The following ELFN2 variants were observed in gnomAD, a reference collection of about 807,000 sequenced individuals.
ELFN2 encodes extracellular leucine rich repeat and fibronectin type III domain containing 2.
ELFN2 carries 17 observed loss-of-function variants against 45.5 expected under a neutral mutation model. The observed-to-expected ratio is 0.37, with a 90% confidence interval of 0.26 to 0.56. The LOEUF (loss-of-function observed/expected upper bound fraction) is 0.56, where lower values mean the gene tolerates loss of function less well. Among genes scored for constraint, ELFN2 ranks in the 20% least tolerant of loss-of-function variants. The probability of loss-of-function intolerance (pLI) is 0.77; values close to 1 mark genes in which losing one functional copy is unlikely to be tolerated. For synonymous variants in ELFN2, 550 were observed against 551.5 expected, an observed-to-expected ratio of 1.00 and a Z score of 0.04; for missense variants, 922 against 1,183.2, an observed-to-expected ratio of 0.78 and a Z score of 3.24.
chr22:37,423,897 A>G (rs1569146095), intron 1 of ELFN2, among the ~76,000 whole-genome samples: 1 of 152,128 alleles, frequency 6.6e-6, no homozygotes, highest in African/African-American at 2.4e-5. Context: ...AATAATGTCA[A>G]TGCCTCTGCC....
chr22:37,405,777 G>A (rs901422756), intron 2 of ELFN2, among the ~76,000 whole-genome samples: 1 of 150,388 alleles, frequency 6.6e-6, no homozygotes, highest in Non-Finnish European at 1.5e-5. Context: ...GTGTGACCTT[G>A]GACAAGTCAT....
At chr22:37,397,710 C>T (rs143714204) in intron 2 of ELFN2, among the ~76,000 whole-genome samples, 43 of 152,294 alleles carry the variant, frequency 2.8e-4, no homozygotes, top group African/African-American at 1.0e-3. Context: ...AGCAAGCAGC[C>T]GACCTGAACC....
At chr22:37,390,260 C>T (rs763865302) in intron 2 of ELFN2, among the ~76,000 whole-genome samples, 3 of 152,202 alleles carry the variant, frequency 2.0e-5, no homozygotes, top group East Asian at 3.9e-4. Context: ...ACAGGAGAGT[C>T]GGGTGCGAAT....
chr22:37,423,312 G>A (rs949369138), intron 1 of ELFN2, among the ~76,000 whole-genome samples: 6 of 152,218 alleles, frequency 3.9e-5, no homozygotes, highest in East Asian at 1.9e-4. Flanking sequence ...AAGGGCGTCC[G>A]CCACCCCCAG....
In ELFN2 at chr22:37,374,757, G is replaced by T; in HGVS notation, c.778C>A (p.Pro260Thr). ...TCCCTCTGGGCGTCGGTGGAGTAGG[G>T]CGTGGGGTGGCTCACGGGCCGGGCG... ...LPARPVSHPT[P>T]YSTDAQREPD... Residue 260 changes from proline (P) to threonine (T), a missense_variant, in exon 3 of 3, where the codon CCC (proline) becomes ACC (threonine). Pro to Thr is a conservative substitution (Grantham distance 38). Coordinates refer to ENST00000402918, the MANE Select transcript of ELFN2 (RefSeq NM_052906.5). 6.2e-7 allele frequency: 1 copy of T among 1,610,324 alleles called. No homozygotes were observed. Among genetic ancestry groups the T allele is most frequent in the South Asian group, 1.1e-5 (1 of 91,036 alleles).
rs1931416237 is a variant in ELFN2, at chr22:37,372,925, T to C, written c.*147A>G. 3.8e-6 allele frequency: 3 copies of C among 785,638 alleles called. No individual in the cohort carries two copies. The highest frequency in any genetic ancestry group is 5.4e-5 in the East Asian group (2 of 36,832). The allele number at this position is 785,638 out of a possible 1,614,324, so 48.7% of individuals were successfully genotyped here. A position where few individuals can be genotyped will look rare whatever the true frequency, so the allele number is the denominator to read the frequency against. On this transcript the variant is annotated 3_prime_UTR_variant, in exon 3 of 3. Coordinates refer to ENST00000402918, the MANE Select transcript of ELFN2 (RefSeq NM_052906.5). This position sits in a 1 kb window ranked among gnomAD's most constrained non-coding sequence, Gnocchi z 4.4. Reference sequence around the variant, plus strand: ...CACAGTCGGGTGGTGGTCAGGTGTGTGTGTGCGTGCGTGCGTGCGGGTCTG... The same window carrying C: ...CACAGTCGGGTGGTGGTCAGGTGTGCGTGTGCGTGCGTGCGTGCGGGTCTG...
chr22:37,405,088 GCA>G (rs59108996), intron 2 of ELFN2, among the ~76,000 whole-genome samples: 80 of 85,800 alleles, frequency 9.3e-4, no homozygotes, highest in African/African-American at 2.9e-3. Context: ...CTGAACCTCA[GCA>G]TTTTTTTTTT....
intron 2 of ELFN2, among the ~76,000 whole-genome samples, chr22:37,409,041 G>A (rs1406614670): frequency 6.6e-6 from 1 of 152,184 alleles, no homozygotes; most frequent in African/African-American, 2.4e-5. Context: ...CAGCATCAAG[G>A]AATCTCCAGC....
At chr22:37,407,197 C>T (rs546063516) in intron 2 of ELFN2, among the ~76,000 whole-genome samples, 61 of 152,084 alleles carry the variant, frequency 4.0e-4, no homozygotes, top group Non-Finnish European at 7.5e-4. Context: ...GGACTGGGAG[C>T]CAGGAAGCCT....
intron 2 of ELFN2, among the ~76,000 whole-genome samples, chr22:37,396,509 G>A (rs902858627): frequency 6.6e-6 from 1 of 152,174 alleles, no homozygotes; most frequent in Non-Finnish European, 1.5e-5. Flanking sequence ...CAGACCCTCT[G>A]GGGCACTTTG....
At chr22:37,386,492 G>A (rs1569136123) in intron 2 of ELFN2, among the ~76,000 whole-genome samples, 1 of 152,164 alleles carries the variant, frequency 6.6e-6, no homozygotes, top group Non-Finnish European at 1.5e-5. Flanking sequence ...CTCTAACCAG[G>A]CGATCGCAAG....
chr22:37,396,212 A>G (rs564498603), intron 2 of ELFN2, among the ~76,000 whole-genome samples: 14 of 152,238 alleles, frequency 9.2e-5, no homozygotes, highest in Non-Finnish European at 1.6e-4. Context: ...TAAACTAAGT[A>G]TCAGCCTCCA....
Position 37,396,621 on chromosome 22 carries a change from G to A in ELFN2, c.-462-20625C>T, listed in dbSNP as rs558800480. 5.3e-5 allele frequency among the ~76,000 whole-genome samples: 8 copies of A among 152,216 alleles called. No individual in the cohort carries two copies. In the East Asian group the frequency reaches 1.4e-3, roughly 26 times the overall value. ...AGAGGACAAGAGCCTTGAGCCCTAC[G>A]GCCTCCCAGCCACGCCCCCTTCCCT... On this transcript the variant is annotated intron_variant, in intron 2 of 2. Transcript: ENST00000402918.
At position 37,404,534 on chromosome 22, in the gene ELFN2, T is replaced by C. The variant is rs143376261; in HGVS notation, c.-463+13235A>G. On this transcript the variant is annotated intron_variant, in intron 2 of 2. Coordinates refer to ENST00000402918, the MANE Select transcript of ELFN2 (RefSeq NM_052906.5). ...CAGGAGGACAGAGGCAGAGCCCGGG[T>C]GGGGCCAGTTGAGCTTTAGGGGTCA... 1.9e-3 allele frequency among the ~76,000 whole-genome samples: 283 copies of C among 151,944 alleles called. 1 individual carries two copies. Among genetic ancestry groups the C allele is most frequent in the African/African-American group, 6.6e-3 (274 of 41,380 alleles).
At chr22:37,382,024 T>A (rs1411080577) in intron 2 of ELFN2, among the ~76,000 whole-genome samples, 3 of 134,964 alleles carry the variant, frequency 2.2e-5, no homozygotes, top group African/African-American at 8.2e-5. Context: ...AAGCCCCCCC[T>A]GTGATGGGGT....
At chr22:37,399,112 G>A (rs547146711) in intron 2 of ELFN2, among the ~76,000 whole-genome samples, 1 of 152,174 alleles carries the variant, frequency 6.6e-6, no homozygotes, top group East Asian at 1.9e-4. Context: ...CCCAGGGATG[G>A]GCACGTGAGC....
chr22:37,404,933 C>A (rs1227543807), intron 2 of ELFN2, among the ~76,000 whole-genome samples: 1 of 152,138 alleles, frequency 6.6e-6, no homozygotes, highest in Non-Finnish European at 1.5e-5. Flanking sequence ...GGCCATCCCC[C>A]CAGATCCTTA....
chr22:37,390,788 C>T (rs1407684726), intron 2 of ELFN2, among the ~76,000 whole-genome samples: 3 of 152,174 alleles, frequency 2.0e-5, no homozygotes, highest in African/African-American at 7.2e-5. Context: ...TGCTTGTCAA[C>T]AGCAGGCTGC....
Position 37,370,486 on chromosome 22 carries a change from A to T in ELFN2, c.*2586T>A, listed in dbSNP as rs1185184388. ...GGAGCCCTGACTTCCTCATCTACAA[A>T]ACGGGAACAAGCGGGACGGACAGAC... is the stretch of plus-strand genomic sequence containing the variant. On this transcript the variant is annotated 3_prime_UTR_variant, in exon 3 of 3. Transcript: ENST00000402918. 1 of 152,162 alleles carries T rather than the reference A, an allele frequency of 6.6e-6. No homozygotes were observed. The highest frequency in any genetic ancestry group is 1.5e-5 in the Non-Finnish European group (1 of 68,092). The allele number at this position is 152,162 out of a possible 1,614,324, so 9.4% of individuals were successfully genotyped here. A position where few individuals can be genotyped will look rare whatever the true frequency, so the allele number is the denominator to read the frequency against.
Sources: allele counts gnomAD v4.1 joint callset (sites outside exome capture counted in the v4.1 genomes callset), GRCh38; gene constraint gnomAD v4.1.1; non-coding constraint Gnocchi (gnomAD v3.1); transcripts MANE v1.5; gene names NCBI Gene and HGNC (gene_info 2026-07-23, HGNC 2026-07-21).